ARHGAP10: variants seen among roughly 807,000 people sequenced by gnomAD.
ARHGAP10 encodes rho GTPase-activating protein 10.
A neutral mutation model predicts 108.6 loss-of-function variants in ARHGAP10; 87 were observed. That is an observed-to-expected ratio of 0.80 (90% confidence interval 0.67 to 0.96). The LOEUF is 0.96. Ranked by LOEUF, ARHGAP10 falls within the 40% of genes least tolerant of loss-of-function variation. ARHGAP10 has a pLI of 0.00. For synonymous variants in ARHGAP10, 347 were observed against 341.1 expected (o/e 1.02, Z -0.19); for missense variants, 939 against 954.5 (o/e 0.98, Z 0.21).
intron 13 of ARHGAP10, among the ~76,000 whole-genome samples, chr4:147,915,724 G>T (rs1308157036): frequency 1.3e-5 from 2 of 152,032 alleles, no homozygotes; most frequent in Non-Finnish European, 2.9e-5. Context: ...CCCCCCAAAG[G>T]TCTTCCATTA....
intron 18 of ARHGAP10, among the ~76,000 whole-genome samples, chr4:148,022,291 A>G (rs913046426): frequency 1.3e-4 from 20 of 152,156 alleles, no homozygotes; most frequent in African/African-American, 4.3e-4. Context: ...AGCCCCACAT[A>G]CATTAGGTAT....
intron 21 of ARHGAP10, 144 bp from the exon 22 acceptor site, chr4:148,064,272 T>C: frequency 1.6e-6 from 1 of 624,738 alleles, no homozygotes; most frequent in Non-Finnish European, 2.8e-6. Context: ...TAGCCTGATG[T>C]TCACTTCCAC....
At chr4:147,977,267 G>A (rs1739631115) in intron 18 of ARHGAP10, among the ~76,000 whole-genome samples, 1 of 152,206 alleles carries the variant, frequency 6.6e-6, no homozygotes, top group Non-Finnish European at 1.5e-5. Context: ...AGATAGGAAG[G>A]AAAGAATGAG....
chr4:147,974,182 C>A (rs931880486), intron 18 of ARHGAP10, among the ~76,000 whole-genome samples: 10 of 151,826 alleles, frequency 6.6e-5, no homozygotes, highest in Non-Finnish European at 1.0e-4. Flanking sequence ...ACATCCTTGC[C>A]AACATTTTTT....
At chr4:147,991,408 T>C (rs1054636004) in intron 18 of ARHGAP10, among the ~76,000 whole-genome samples, 1 of 152,132 alleles carries the variant, frequency 6.6e-6, no homozygotes, top group Non-Finnish European at 1.5e-5. Flanking sequence ...GGCTTCCTCA[T>C]GTTTTTTCCC....
chr4:147,948,410 A>G (rs1738469597), intron 15 of ARHGAP10, among the ~76,000 whole-genome samples: 1 of 152,118 alleles, frequency 6.6e-6, no homozygotes, highest in South Asian at 2.1e-4. Context: ...AAGTCTTTTC[A>G]TATTTGGTTT....
At chr4:147,831,583 T>C (rs1373510681) in intron 3 of ARHGAP10, among the ~76,000 whole-genome samples, 1 of 152,234 alleles carries the variant, frequency 6.6e-6, no homozygotes, top group Non-Finnish European at 1.5e-5. Context: ...TGAGAACATT[T>C]CTCAGTTTGG....
chr4:147,755,726 A>G lies in ARHGAP10; in HGVS notation c.154+23271A>G, dbSNP rs574421751. ...CTCTTGCCCTTATATAGTGTAGGTG[A>G]TATTTTTCTATTTGGCTCTTTTAGA... On this transcript the variant is annotated intron_variant, in intron 1 of 22. Coordinates refer to ENST00000336498, the MANE Select transcript of ARHGAP10 (RefSeq NM_024605.4). 4.6e-5 allele frequency among the ~76,000 whole-genome samples: 7 copies of G among 152,210 alleles called. No homozygotes were observed. In the South Asian group the frequency reaches 1.5e-3, roughly 32 times the overall value.
In ARHGAP10 at chr4:148,046,955, C is replaced by T. The variant is rs777388291; in HGVS notation, c.1931C>T (p.Pro644Leu). Residue 644 changes from proline to leucine, a missense_variant, in exon 20 of 23, where the codon CCG becomes CTG. Coordinates refer to ENST00000336498, the MANE Select transcript of ARHGAP10 (RefSeq NM_024605.4). ...PTSSLDSLSS[P>L]SPVTTAVPGP... ...AGCAGTCTGGACTCACTTTCCTCCC[C>T]GTCTCCCGTGACTACAGCTGTCCCT... is the stretch of plus-strand genomic sequence containing the variant. 1.5e-5 allele frequency: 25 copies of T among 1,614,030 alleles called. No homozygotes were observed. Among genetic ancestry groups the T allele is most frequent in the Middle Eastern group, 1.6e-4 (1 of 6,084 alleles).
At chr4:147,984,113 T>TAA (rs1739934123) in intron 18 of ARHGAP10, among the ~76,000 whole-genome samples, 1 of 152,154 alleles carries the variant, frequency 6.6e-6, no homozygotes, top group African/African-American at 2.4e-5. Flanking sequence ...AGTGGCTTTC[T>TAA]CCTTTGTTGC....
chr4:147,778,719 T>C (rs1730409588), intron 1 of ARHGAP10, among the ~76,000 whole-genome samples: 1 of 152,166 alleles, frequency 6.6e-6, no homozygotes, highest in Admixed American at 6.5e-5. Flanking sequence ...TCCTTTTTGC[T>C]CCAAACTGGC....
intron 1 of ARHGAP10, among the ~76,000 whole-genome samples, chr4:147,771,028 G>T (rs1405207907): frequency 6.6e-6 from 1 of 152,038 alleles, no homozygotes; most frequent in African/African-American, 2.4e-5. Flanking sequence ...CTGGATTAGG[G>T]CCCACCCTAA....
In ARHGAP10 at chr4:147,764,607, C is replaced by A. The variant is rs972928660; in HGVS notation, c.154+32152C>A. On this transcript the variant is annotated intron_variant, in intron 1 of 22. Coordinates refer to ENST00000336498, the MANE Select transcript of ARHGAP10 (RefSeq NM_024605.4). ...GGAGTGCAGTGGCGTGATCTCAACTCCCTGCAACCTCCGCCTCTTGGGTTC... is the reference window on the plus strand; with the variant it reads ...GGAGTGCAGTGGCGTGATCTCAACTACCTGCAACCTCCGCCTCTTGGGTTC... Among the ~76,000 whole-genome samples the A allele has an allele frequency of 2.6e-5, 4 of 152,118 alleles. No individual in the cohort carries two copies. In the South Asian group the frequency reaches 8.3e-4, roughly 31 times the overall value.
intron 14 of ARHGAP10, among the ~76,000 whole-genome samples, chr4:147,941,144 T>C (rs1484734415): frequency 1.3e-5 from 2 of 152,232 alleles, no homozygotes; most frequent in Non-Finnish European, 2.9e-5. Flanking sequence ...GATGGTGTTA[T>C]GATGATTAGA....
intron 16 of ARHGAP10, among the ~76,000 whole-genome samples, chr4:147,955,972 C>T (rs1005493680): frequency 5.9e-5 from 9 of 152,166 alleles, no homozygotes; most frequent in African/African-American, 2.2e-4. Flanking sequence ...TCATTTGAGG[C>T]TTTGTTTTCT....
intron 1 of ARHGAP10, among the ~76,000 whole-genome samples, chr4:147,794,636 A>G (rs772348078): frequency 7.9e-5 from 12 of 152,158 alleles, no homozygotes; most frequent in Non-Finnish European, 1.2e-4. Flanking sequence ...ATTGAGTTAT[A>G]TGGTACATAT....
intron 20 of ARHGAP10, among the ~76,000 whole-genome samples, chr4:148,053,431 G>A: frequency 6.6e-6 from 1 of 152,330 alleles, no homozygotes; most frequent in Admixed American, 6.5e-5. Flanking sequence ...ATAAACACTT[G>A]AATCTGGTTG....
At chr4:148,023,199 C>T (rs771561484) in intron 18 of ARHGAP10, 64 bp from the exon 19 acceptor site, 3 of 1,565,492 alleles carry the variant, frequency 1.9e-6, no homozygotes, top group Non-Finnish European at 8.7e-7. Context: ...TGCTGGTTTA[C>T]TGGAGTAACA....
intron 1 of ARHGAP10, 103 bp from the exon 2 acceptor site, chr4:147,822,624 C>A (rs767831325): frequency 2.6e-6 from 3 of 1,146,036 alleles, no homozygotes; most frequent in Non-Finnish European, 3.8e-6. Context: ...ATAGATTGAG[C>A]GGAGGAGAGC....
Sources: gnomAD v4.1 joint callset for allele counts (sites outside exome capture counted in the v4.1 genomes callset) on GRCh38, gnomAD v4.1.1 for gene constraint, MANE v1.5 for transcripts, NCBI Gene and HGNC (gene_info 2026-07-23, HGNC 2026-07-21) for gene names.